PDS5A: variants seen among roughly 807,000 people sequenced by gnomAD.
PDS5A encodes sister chromatid cohesion protein PDS5 homolog A.
A neutral mutation model predicts 167.1 loss-of-function variants in PDS5A; 42 were observed. That is an observed-to-expected ratio of 0.25 (90% CI 0.20 to 0.33). The LOEUF (loss-of-function observed/expected upper bound fraction) is 0.33, where lower values mean the gene tolerates loss of function less well. Ranked by LOEUF, PDS5A falls within the 10% of genes least tolerant of loss-of-function variation. The probability of loss-of-function intolerance (pLI) is 1.00; values close to 1 mark genes in which losing one functional copy is unlikely to be tolerated. For missense variants in PDS5A, 1,033 were observed against 1,605.9 expected (o/e 0.64, Z 6.10); for synonymous variants, 553 against 554.6 (o/e 1.00, Z 0.04).
intron 31 of PDS5A, among the ~76,000 whole-genome samples, chr4:39,840,715 C>T (rs1716921356): frequency 6.6e-6 from 1 of 152,004 alleles, no homozygotes; most frequent in Non-Finnish European, 1.5e-5. Context: ...ATAGCTGGGA[C>T]TCCAGGCAAG....
At chr4:39,879,562 A>C (rs1456001936) in intron 18 of PDS5A, among the ~76,000 whole-genome samples, 166 bp downstream of exon 18, 1 of 152,220 alleles carries the variant, frequency 6.6e-6, no homozygotes, top group Non-Finnish European at 1.5e-5. Flanking sequence ...TTACATTATT[A>C]TATTATGTTG....
chr4:39,935,782 T>C (rs1004359010), intron 2 of PDS5A, among the ~76,000 whole-genome samples: 16 of 152,216 alleles, frequency 1.1e-4, no homozygotes, highest in Admixed American at 1.0e-3. Context: ...TGGAGGTAGA[T>C]ATATAAAATG....
intron 26 of PDS5A, among the ~76,000 whole-genome samples, chr4:39,857,151 G>A (rs1718594299): frequency 6.6e-6 from 1 of 152,050 alleles, no homozygotes; most frequent in African/African-American, 2.4e-5. Flanking sequence ...AGGAGATCGA[G>A]ACCATCCTGG....
intron 2 of PDS5A, among the ~76,000 whole-genome samples, chr4:39,955,890 G>A (rs1032393337): frequency 2.0e-5 from 3 of 151,568 alleles, no homozygotes; most frequent in Non-Finnish European, 4.4e-5. Context: ...CAAGGCAGGT[G>A]GATTACCTGA....
chr4:39,844,689 G>A lies in PDS5A; in HGVS notation c.3515C>T (p.Ser1172Leu). 6.2e-7 allele frequency: 1 copy of A among 1,612,556 alleles called. No individual in the cohort carries two copies. Among genetic ancestry groups the A allele is most frequent in the Non-Finnish European group, 8.5e-7 (1 of 1,179,466 alleles). ...TETGSNINVN[S>L]ELNPSTGNRS... ...ATTTCCGGTTGAAGGGTTCAGCTCT[G>A]AATTTACATTAATATTGCTTCCAGT... The change falls in exon 30 of 33, where the codon TCA becomes TTA. Residue 1172 changes from serine to leucine, a missense_variant. By Grantham distance (145) the Ser-to-Leu change is moderately radical. Around this residue, in one of 4 missense-constraint regions of PDS5A, gnomAD observed 233 missense variants for 264.0 expected, o/e 0.88. Transcript: ENST00000303538.
intron 16 of PDS5A, among the ~76,000 whole-genome samples, chr4:39,893,089 A>G (rs1423816825): frequency 6.6e-6 from 1 of 152,202 alleles, no homozygotes; most frequent in African/African-American, 2.4e-5. Flanking sequence ...CAAACCAAGG[A>G]CTGTTTCATT....
intron 32 of PDS5A, among the ~76,000 whole-genome samples, chr4:39,833,589 CA>C (rs2086784880): frequency 6.6e-6 from 1 of 151,958 alleles, no homozygotes; most frequent in South Asian, 2.1e-4. Context: ...GGGGTTTTGC[CA>C]TATCGCCCAG....
chr4:39,962,004 C>A (rs1299270686), intron 2 of PDS5A, among the ~76,000 whole-genome samples: 1 of 152,134 alleles, frequency 6.6e-6, no homozygotes, highest in Non-Finnish European at 1.5e-5. Flanking sequence ...ATTCTATCCC[C>A]ATCCCTTCCT....
intron 11 of PDS5A, 143 bp downstream of exon 11, chr4:39,908,252 A>G: frequency 1.4e-6 from 1 of 725,710 alleles, no homozygotes; most frequent in East Asian, 2.5e-5. Flanking sequence ...TATGCAGGAA[A>G]CATACAAATT....
intron 2 of PDS5A, among the ~76,000 whole-genome samples, chr4:39,944,410 G>C (rs1271501508): frequency 6.6e-6 from 1 of 151,866 alleles, no homozygotes; most frequent in Non-Finnish European, 1.5e-5. Flanking sequence ...GGCTGAGAGT[G>C]TGGCGGGGCA....
intron 17 of PDS5A, among the ~76,000 whole-genome samples, chr4:39,887,002 TGTTCAAAACA>T: frequency 6.6e-6 from 1 of 152,288 alleles, no homozygotes; most frequent in East Asian, 1.9e-4. Context: ...TTCATTTATC[TGTTCAAAACA>T]GTTTTTCGGT....
chr4:39,833,519 G>C lies in PDS5A; in HGVS notation c.4010+4337C>G, dbSNP rs1716116451. Among the ~76,000 whole-genome samples, 3 of 152,038 alleles carry C rather than the reference G, an allele frequency of 2.0e-5. No homozygotes were observed. In the South Asian group the frequency reaches 6.2e-4, roughly 32 times the overall value. ...TCCCCTCACCTCAGCCTCTGAAGTA[G>C]CCAAGACTATGGGCACATACCAGAC... On this transcript the variant is annotated intron_variant, in intron 32 of 32. Transcript: ENST00000303538.
chr4:39,954,644 A>G (rs1419784610), intron 2 of PDS5A, among the ~76,000 whole-genome samples: 1 of 150,404 alleles, frequency 6.6e-6, no homozygotes, highest in Non-Finnish European at 1.5e-5. Flanking sequence ...CAAGACATAA[A>G]TAAGTACCCA....
intron 17 of PDS5A, among the ~76,000 whole-genome samples, chr4:39,884,872 C>T (rs1721274187): frequency 2.0e-5 from 3 of 152,118 alleles, no homozygotes; most frequent in Admixed American, 2.0e-4. Context: ...AGACCATTAA[C>T]TAACTGTAGC....
intron 30 of PDS5A, among the ~76,000 whole-genome samples, chr4:39,843,305 G>T (rs1178433763): frequency 6.6e-6 from 1 of 151,948 alleles, no homozygotes; most frequent in Non-Finnish European, 1.5e-5. Flanking sequence ...CTAAAGCGCT[G>T]GGATCACAGC....
intron 2 of PDS5A, among the ~76,000 whole-genome samples, chr4:39,935,249 G>A (rs1047017171): frequency 6.6e-6 from 1 of 152,094 alleles, no homozygotes; most frequent in African/African-American, 2.4e-5. Context: ...TGGGATTACA[G>A]GTGTGCACCA....
chr4:39,922,680 T>C lies in PDS5A; in HGVS notation c.596A>G (p.Asp199Gly). The change falls in exon 6 of 33, where the codon GAT (aspartate) becomes GGT (glycine). Residue 199 changes from aspartate to glycine, a missense_variant. Physicochemically the swap from Asp to Gly is moderately conservative, Grantham distance 94. Transcript: ENST00000303538. ...DLMSSIIMEG[D>G]GVTQELLDSI... is the part of the protein sequence containing the mutation. ...GTCCAATAATTCTTGAGTAACTCCA[T>C]CACCTTCCATGATGATAGAACTCAT... is the stretch of plus-strand genomic sequence containing the variant. 1 of 1,602,822 alleles carries C rather than the reference T, an allele frequency of 6.2e-7. No homozygotes were observed. The highest frequency in any genetic ancestry group is 8.5e-7 in the Non-Finnish European group (1 of 1,174,732).
intron 2 of PDS5A, among the ~76,000 whole-genome samples, chr4:39,947,461 AAG>A (rs1303123730): frequency 6.6e-6 from 1 of 152,136 alleles, no homozygotes; most frequent in Non-Finnish European, 1.5e-5. Context: ...GGGGAAAAAA[AAG>A]AGAGAGGAAA....
intron 13 of PDS5A, among the ~76,000 whole-genome samples, chr4:39,901,527 C>T (rs1273966160): frequency 6.6e-6 from 1 of 152,104 alleles, no homozygotes; most frequent in Non-Finnish European, 1.5e-5. Context: ...GCCCTGGCCT[C>T]CCAAAATGCT....
Sources: allele counts gnomAD v4.1 joint callset (sites outside exome capture counted in the v4.1 genomes callset), GRCh38; gene constraint gnomAD v4.1.1; regional missense constraint gnomAD v4.1.1; transcripts MANE v1.5; gene names NCBI Gene and HGNC (gene_info 2026-07-23, HGNC 2026-07-21).